Variants in TMEM132A observed in about 807,000 individuals in gnomAD.
TMEM132A encodes GRP78-binding protein.
A neutral mutation model predicts 69.9 loss-of-function variants in TMEM132A; 48 were observed. The ratio of observed to expected loss-of-function variants is 0.69; its 90% CI spans 0.55 to 0.87. The LOEUF is 0.87. TMEM132A is among the 40% of genes least tolerant of loss of function. TMEM132A has a pLI of 0.00. For missense variants in TMEM132A, 1,287 were observed against 1,407.2 expected (o/e 0.91, Z 1.37); for synonymous variants, 577 against 613.7 (o/e 0.94, Z 0.88).
intron 4 of TMEM132A, among the ~76,000 whole-genome samples, chr11:60,929,766 TC>T (rs1341347205): frequency 6.6e-6 from 1 of 152,212 alleles, no homozygotes; most frequent in Non-Finnish European, 1.5e-5. Flanking sequence ...TCTCTGTGTC[TC>T]CCCATCTCCT....
rs759609472 is a variant in TMEM132A, at chr11:60,927,223, C to T, written c.120C>T (p.Pro40=). ...DVVRVDCGQA[P]LDPVYLPAAL... is the part of the protein sequence containing the mutation. ...CTTCAGTGGACTGTGGCCAGGCTCC[C>T]CTGGACCCTGTCTACCTGCCGGCAG... Residue 40 remains proline, a synonymous_variant, in exon 2 of 11, where the codon CCC becomes CCT. Coordinates refer to ENST00000453848, the MANE Select transcript of TMEM132A (RefSeq NM_178031.3). 4 of 1,613,272 alleles carry T rather than the reference C, an allele frequency of 2.5e-6. No homozygotes were observed. Among genetic ancestry groups the T allele is most frequent in the Non-Finnish European group, 8.5e-7 (1 of 1,179,918 alleles).
In TMEM132A at chr11:60,928,870, G is replaced by A. The variant is rs576673093; in HGVS notation, c.776G>A (p.Arg259Gln). ...EVPLDEAVTL[R>Q]VPDMPVRPGQ... ...CCTCTGGACGAGGCTGTGACTCTGC[G>A]GGTGCCTGACATGCCAGTGCGGCCC... The change falls in exon 4 of 11, where the codon CGG (arginine) becomes CAG (glutamine). Residue 259 changes from arginine to glutamine, a missense_variant. By Grantham distance (43) the Arg-to-Gln change is conservative. Coordinates refer to ENST00000453848, the MANE Select transcript of TMEM132A (RefSeq NM_178031.3). 26 of 1,612,784 alleles carry A rather than the reference G, an allele frequency of 1.6e-5. No individual in the cohort carries two copies. The highest frequency in any genetic ancestry group is 6.7e-5 in the East Asian group (3 of 44,888).
chr11:60,925,027 G>C (rs1340171276), intron 1 of TMEM132A, among the ~76,000 whole-genome samples: 1 of 152,104 alleles, frequency 6.6e-6, no homozygotes, highest in Non-Finnish European at 1.5e-5. Context: ...CCCGGGCATC[G>C]AACCCGGCGG....
chr11:60,934,982 G>C (rs542182944), intron 9 of TMEM132A, among the ~76,000 whole-genome samples: 61 of 152,324 alleles, frequency 4.0e-4, no homozygotes, highest in Middle Eastern at 3.4e-3. Flanking sequence ...GGTGTGGGTA[G>C]TGTGGGGACC....
At position 60,935,288 on chromosome 11, in the gene TMEM132A, C is replaced by T. The variant is rs2134911401; in HGVS notation, c.1873C>T (p.Gln625Ter). 1 of 1,612,334 alleles carries T rather than the reference C, an allele frequency of 6.2e-7. No individual in the cohort carries two copies. The highest frequency in any genetic ancestry group is 8.5e-7 in the Non-Finnish European group (1 of 1,179,638). Residue 625 changes from glutamine to a stop codon, truncating the protein, a stop_gained, in exon 10 of 11, where the codon CAG (glutamine) becomes TAG (stop). Coordinates refer to ENST00000453848, the MANE Select transcript of TMEM132A (RefSeq NM_178031.3). LOFTEE classifies it high-confidence loss of function. The surrounding 1 kb of genome is among the most constrained non-coding windows in gnomAD (Gnocchi z 5.0). ...ACTGTCTGACTCCATCCTGGGGGAG[C>T]AGGCGCTGGCTGTGACGGACGACAA... ...SPLSDSILGE[Q>*]ALAVTDDKVS...
Position 60,936,424 on chromosome 11 carries a change from C to T in TMEM132A, c.2589C>T (p.Ile863=), listed in dbSNP as rs748506136. The part of the protein sequence containing the change: ...LLGVFCVAIF[I]FLVNGVVFVL... ...GAGTCTTCTGCGTGGCCATCTTCAT[C>T]TTCTTGGTCAATGGTGTGGTCTTCG... is the stretch of plus-strand genomic sequence containing the variant. The change falls in exon 11 of 11, where the codon ATC becomes ATT. Residue 863 remains isoleucine, a synonymous_variant. Coordinates refer to ENST00000453848, the MANE Select transcript of TMEM132A (RefSeq NM_178031.3). 1 of 1,614,190 alleles carries T rather than the reference C, an allele frequency of 6.2e-7. No homozygotes were observed.
rs748170489 is a variant in TMEM132A at position 60,927,834 on chromosome 11, C to G, written c.509C>G (p.Thr170Ser). The change falls in exon 3 of 11, where the codon ACT (threonine) becomes AGT (serine). Residue 170 changes from threonine (T) to serine (S), a missense_variant. Physicochemically the swap from Thr to Ser is moderately conservative, Grantham distance 58 (BLOSUM62 1). Coordinates refer to ENST00000453848, the MANE Select transcript of TMEM132A (RefSeq NM_178031.3). ...CTCCATGCCACACACCCTGCCGGCACTGCTCACCAAGCCTGCCGCTTCCAG... is the reference window on the plus strand; with the variant it reads ...CTCCATGCCACACACCCTGCCGGCAGTGCTCACCAAGCCTGCCGCTTCCAG... ...ARLHATHPAGTAHQACRFQPS... is the reference protein window; with the variant it reads ...ARLHATHPAGSAHQACRFQPS... The G allele has an allele frequency of 6.2e-7, 1 of 1,610,724 alleles. No homozygotes were observed. The highest frequency in any genetic ancestry group is 8.5e-7 in the Non-Finnish European group (1 of 1,179,662).
rs1856310643 is a variant in TMEM132A at position 60,924,658 on chromosome 11, A to T, written c.25A>T (p.Thr9Ser). Residue 9 changes from threonine (T) to serine (S), a missense_variant, in exon 1 of 11, where the codon ACA becomes TCA. By Grantham distance (58) the Thr-to-Ser change is moderately conservative. Transcript: ENST00000453848. MCARMAGR[T>S]TAAPRGPYGP... ...GATGTGCGCGCGGATGGCCGGTCGC[A>T]CAACAGCGGCCCCTCGGGGGCCCTA... The T allele has an allele frequency of 6.3e-7, 1 of 1,594,472 alleles. No individual in the cohort carries two copies.
In TMEM132A at chr11:60,935,199, T is replaced by A; in HGVS notation, c.1837-53T>A. The A allele has an allele frequency of 6.6e-7, 1 of 1,524,872 alleles. No homozygotes were observed. Among genetic ancestry groups the A allele is most frequent in the Non-Finnish European group, 8.9e-7 (1 of 1,122,590 alleles). The allele number at this position is 1,524,872 out of a possible 1,614,324, so 94.5% of individuals were successfully genotyped here. A position where few individuals can be genotyped will look rare whatever the true frequency, so the allele number is the denominator to read the frequency against. On this transcript the variant is annotated intron_variant, in intron 9 of 10. Transcript: ENST00000453848. This position sits in a 1 kb window ranked among gnomAD's most constrained non-coding sequence, Gnocchi z 5.0. ...CTGGGAGCACCCGGTTCCCTCTGGGTGGGGGCTGTCTGTATGGAAGGCCCC... is the reference window on the plus strand; with the variant it reads ...CTGGGAGCACCCGGTTCCCTCTGGGAGGGGGCTGTCTGTATGGAAGGCCCC...
At position 60,934,512 on chromosome 11, in the gene TMEM132A, G is replaced by C. The variant is rs767777953; in HGVS notation, c.1584G>C (p.Ala528=). Residue 528 remains alanine, a synonymous_variant, in exon 9 of 11, where the codon GCG becomes GCC. Coordinates refer to ENST00000453848, the MANE Select transcript of TMEM132A (RefSeq NM_178031.3). ...AEGPAEPAAE[A]SDEAERRARG... is the part of the protein sequence containing the mutation. Reference sequence around the variant, plus strand: ...GGCCTGCGGAACCCGCTGCAGAGGCGTCGGATGAGGCCGAGCGGCGCGCCC... The same window carrying C: ...GGCCTGCGGAACCCGCTGCAGAGGCCTCGGATGAGGCCGAGCGGCGCGCCC... 7 of 1,425,686 alleles carry C rather than the reference G, an allele frequency of 4.9e-6. No individual in the cohort carries two copies. The highest frequency in any genetic ancestry group is 1.5e-5 in the African/African-American group (1 of 66,800). The allele number at this position is 1,425,686 out of a possible 1,614,324, so 88.3% of individuals were successfully genotyped here.
At chr11:60,929,683 G>A (rs1206292657) in intron 4 of TMEM132A, among the ~76,000 whole-genome samples, 2 of 152,190 alleles carry the variant, frequency 1.3e-5, no homozygotes, top group South Asian at 2.1e-4. Context: ...CCTGAGGATC[G>A]AAGAGCGGTC....
At position 60,937,028 on chromosome 11, in the gene TMEM132A, C is replaced by T; in HGVS notation, c.*121C>T. 1 of 1,268,650 alleles carries T rather than the reference C, an allele frequency of 7.9e-7. No individual in the cohort carries two copies. Among genetic ancestry groups the T allele is most frequent in the Admixed American group, 2.8e-5 (1 of 35,154 alleles). The allele number at this position is 1,268,650 out of a possible 1,614,324, so 78.6% of individuals were successfully genotyped here. A position where few individuals can be genotyped will look rare whatever the true frequency, so the allele number is the denominator to read the frequency against. On this transcript the variant is annotated 3_prime_UTR_variant, in exon 11 of 11. Transcript: ENST00000453848. The stretch of plus-strand genomic sequence containing the variant: ...TTGATCCAAGTCCCCTGCCTGGTCC[C>T]CCACAAGGACTCCCATCCAGGCCCC...
chr11:60,927,188 T>A lies in TMEM132A; in HGVS notation c.101-16T>A, dbSNP rs762099393. On this transcript the variant is annotated splice_polypyrimidine_tract_variant and intron_variant, in intron 1 of 10. Coordinates refer to ENST00000453848, the MANE Select transcript of TMEM132A (RefSeq NM_178031.3). Reference sequence around the variant, plus strand: ...CTCTGGAGCTGTCATCATCTCTCCCTCTTATGCCTCTTCAGTGGACTGTGG... The same window carrying A: ...CTCTGGAGCTGTCATCATCTCTCCCACTTATGCCTCTTCAGTGGACTGTGG... 6.2e-7 allele frequency: 1 copy of A among 1,608,756 alleles called. No individual in the cohort carries two copies. The highest frequency in any genetic ancestry group is 8.5e-7 in the Non-Finnish European group (1 of 1,178,336).
rs962700314 is a variant in TMEM132A, at chr11:60,924,554, C to T, written c.-80C>T. Reference sequence around the variant, plus strand: ...GACCCAGCGGGCCAGGTGGGGACGGCGCGGAGCGGGTGCGGGAGATGCCGT... The same window carrying T: ...GACCCAGCGGGCCAGGTGGGGACGGTGCGGAGCGGGTGCGGGAGATGCCGT... On this transcript the variant is annotated 5_prime_UTR_variant, in exon 1 of 11. Coordinates refer to ENST00000453848, the MANE Select transcript of TMEM132A (RefSeq NM_178031.3). The T allele has an allele frequency of 1.1e-5, 13 of 1,206,596 alleles. No homozygotes were observed. In the East Asian group the frequency reaches 3.8e-4, roughly 35 times the overall value. 74.7% of individuals were successfully genotyped at this position (1,206,596 alleles called of 1,614,324 possible). A position where few individuals can be genotyped will look rare whatever the true frequency, so the allele number is the denominator to read the frequency against.
intron 8 of TMEM132A, 120 bp downstream of exon 8, chr11:60,933,864 T>A: frequency 1.1e-6 from 1 of 940,746 alleles, no homozygotes. Context: ...TTGCTTGCAG[T>A]TCCTTCTGCC....
Position 60,927,299 on chromosome 11 carries a change from C to T in TMEM132A, c.196C>T (p.His66Tyr). ...PEHFRVQQVG[H>Y]YPPANSSLSS... is the part of the protein sequence containing the mutation. Reference sequence around the variant, plus strand: ...ACACTTCCGTGTGCAGCAGGTGGGCCACTACCCACCTGCCAACTCCTCTCT... The same window carrying T: ...ACACTTCCGTGTGCAGCAGGTGGGCTACTACCCACCTGCCAACTCCTCTCT... The change falls in exon 2 of 11, where the codon CAC becomes TAC. Residue 66 changes from histidine to tyrosine, a missense_variant. His to Tyr is a moderately conservative substitution (Grantham distance 83). Transcript: ENST00000453848. 6.2e-7 allele frequency: 1 copy of T among 1,613,208 alleles called. No homozygotes were observed. The highest frequency in any genetic ancestry group is 8.5e-7 in the Non-Finnish European group (1 of 1,179,748).
chr11:60,934,889 G>C (rs1365690815), intron 9 of TMEM132A, 125 bp downstream of exon 9: 25 of 1,047,400 alleles, frequency 2.4e-5, no homozygotes, highest in Non-Finnish European at 3.2e-5. Flanking sequence ...GTGCGGTCTA[G>C]GTCTGAGTGC....
chr11:60,933,345 G>A, intron 7 of TMEM132A, 197 bp from the exon 8 acceptor site: 1 of 584,700 alleles, frequency 1.7e-6, no homozygotes, highest in Admixed American at 3.0e-5. Flanking sequence ...ACCACACCCG[G>A]CTGATTTATT....
Position 60,936,978 on chromosome 11 carries a change from GC to G in TMEM132A, c.*76del. 7.4e-7 allele frequency: 1 copy of G among 1,357,456 alleles called. No homozygotes were observed. Among genetic ancestry groups the G allele is most frequent in the Non-Finnish European group, 9.7e-7 (1 of 1,026,080 alleles). 84.1% of individuals were successfully genotyped at this position (1,357,456 alleles called of 1,614,324 possible). On this transcript the variant is annotated 3_prime_UTR_variant, in exon 11 of 11. Transcript: ENST00000453848. The stretch of plus-strand genomic sequence containing the variant: ...GGAGGTCCCACTGAGCCTCTCGCCT[GC>G]CCCCGCCACTCGTCTGGTGCTTGTT...
Sources: gnomAD v4.1 joint callset for allele counts (sites outside exome capture counted in the v4.1 genomes callset) on GRCh38, gnomAD v4.1.1 for gene constraint, Gnocchi (gnomAD v3.1) non-coding constraint, MANE v1.5 for transcripts, NCBI Gene and HGNC (gene_info 2026-07-23, HGNC 2026-07-21) for gene names.